The following SCN4A variants were observed in gnomAD, a reference collection of about 807,000 sequenced individuals.
SCN4A encodes the protein sodium channel protein type 4 subunit alpha.
Under a neutral mutation model 162.0 loss-of-function variants are expected in SCN4A, and 83 were observed. The ratio of observed to expected loss-of-function variants is 0.51; its 90% confidence interval spans 0.43 to 0.61. The LOEUF is 0.61. Ranked by LOEUF, SCN4A falls within the 20% of genes least tolerant of loss-of-function variation. The pLI is 0.00. For missense variants in SCN4A, 2,196 were observed against 2,462.5 expected, an observed-to-expected ratio of 0.89 and a Z score of 2.29; for synonymous variants, 944 against 985.1, an observed-to-expected ratio of 0.96 and a Z score of 0.78.
chr17:63,953,083 A>G (rs8079706), intron 13 of SCN4A, among the ~76,000 whole-genome samples: 13,232 of 152,242 alleles, frequency 0.087, 1,461 homozygotes, highest in African/African-American at 0.26. Flanking sequence ...ATAAAAGCCC[A>G]GGCGCAGTGG....
chr17:63,965,023 T>C (rs1211505429), intron 8 of SCN4A, among the ~76,000 whole-genome samples: 1 of 152,162 alleles, frequency 6.6e-6, no homozygotes, highest in Non-Finnish European at 1.5e-5. Flanking sequence ...CAACAAATAG[T>C]AGCTATTATT....
At position 63,947,025 on chromosome 17, in the gene SCN4A, G is replaced by A; in HGVS notation, c.3441+20C>T. On this transcript the variant is annotated intron_variant, in intron 18 of 23. Transcript: ENST00000435607. ...GGTCCCCCATCCCCAGCCCACCCCAGAGGCCCCTTCAGCACCCACCCTCAT... is the reference window on the plus strand; with the variant it reads ...GGTCCCCCATCCCCAGCCCACCCCAAAGGCCCCTTCAGCACCCACCCTCAT... 5.0e-6 allele frequency: 4 copies of A among 799,760 alleles called. No individual in the cohort carries two copies. Among genetic ancestry groups the A allele is most frequent in the African/African-American group, 3.5e-5 (2 of 57,134 alleles). The allele number at this position is 799,760 out of a possible 1,614,324, so 49.5% of individuals were successfully genotyped here. A position where few individuals can be genotyped will look rare whatever the true frequency, so the allele number is the denominator to read the frequency against.
intron 13 of SCN4A, among the ~76,000 whole-genome samples, chr17:63,955,145 C>T (rs1025848135): frequency 8.5e-5 from 13 of 152,220 alleles, no homozygotes; most frequent in African/African-American, 2.9e-4. Context: ...ACTGGAGTTA[C>T]ATGGACCCAG....
chr17:63,941,860 G>A lies in SCN4A; in HGVS notation c.4422C>T (p.Ala1474=). The part of the protein sequence containing the change: ...GAKGIRTLLF[A]LMMSLPALFN... ...AGAGGGCAGGCAGCGACATCATGAG[G>A]GCGAACAGCAGCGTCCGGATGCCCT... Residue 1474 remains alanine (A), a synonymous_variant, in exon 24 of 24, where the codon GCC becomes GCT. Transcript: ENST00000435607. This position sits in a 1 kb window ranked among gnomAD's most constrained non-coding sequence, Gnocchi z 6.2. 1.2e-6 allele frequency: 2 copies of A among 1,614,088 alleles called. No individual in the cohort carries two copies. The highest frequency in any genetic ancestry group is 4.5e-5 in the East Asian group (2 of 44,886).
intron 13 of SCN4A, among the ~76,000 whole-genome samples, chr17:63,952,709 C>T (rs1003849479): frequency 3.3e-5 from 5 of 150,380 alleles, no homozygotes; most frequent in African/African-American, 1.3e-4. Context: ...TATTCTGGTT[C>T]TTGTCCCACA....
At position 63,944,543 on chromosome 17, in the gene SCN4A, T is replaced by C; in HGVS notation, c.3912+130A>G. ...GGCCTGGTGGGACTGGGACCCAAGCTAGCTGCCTGAACCAACAACCTGGTA... is the reference window on the plus strand; with the variant it reads ...GGCCTGGTGGGACTGGGACCCAAGCCAGCTGCCTGAACCAACAACCTGGTA... On this transcript the variant is annotated intron_variant, in intron 21 of 23. Coordinates refer to ENST00000435607, the MANE Select transcript of SCN4A (RefSeq NM_000334.4). This position sits in a 1 kb window ranked among gnomAD's most constrained non-coding sequence, Gnocchi z 4.3. The C allele has an allele frequency of 2.0e-6, 2 of 1,010,418 alleles. No individual in the cohort carries two copies. Among genetic ancestry groups the C allele is most frequent in the Non-Finnish European group, 2.9e-6 (2 of 696,328 alleles). The allele number at this position is 1,010,418 out of a possible 1,614,324, so 62.6% of individuals were successfully genotyped here. A position where few individuals can be genotyped will look rare whatever the true frequency, so the allele number is the denominator to read the frequency against.
chr17:63,946,605 G>A (rs1000005658), intron 18 of SCN4A, among the ~76,000 whole-genome samples: 1 of 152,122 alleles, frequency 6.6e-6, no homozygotes, highest in Admixed American at 6.5e-5. Context: ...GGGGTGAGGG[G>A]AAGGCTCAGA....
At chr17:63,964,898 G>C (rs1336001217) in intron 8 of SCN4A, among the ~76,000 whole-genome samples, 1 of 152,216 alleles carries the variant, frequency 6.6e-6, no homozygotes, top group Non-Finnish European at 1.5e-5. Flanking sequence ...GCTCAGAGGA[G>C]GACCGAAGCC....
At position 63,944,958 on chromosome 17, in the gene SCN4A, C is replaced by T. The variant is rs752518640; in HGVS notation, c.3774+49G>A. ...GCCAAGTCTCCCTCCTGTCTTGAGT[C>T]CTCTTCCCTGGCTCGCTCACCAGCC... On this transcript the variant is annotated intron_variant, in intron 20 of 23. Coordinates refer to ENST00000435607, the MANE Select transcript of SCN4A (RefSeq NM_000334.4). This position sits in a 1 kb window ranked among gnomAD's most constrained non-coding sequence, Gnocchi z 4.3. 14 of 1,604,956 alleles carry T rather than the reference C, an allele frequency of 8.7e-6. No individual in the cohort carries two copies. The highest frequency in any genetic ancestry group is 1.2e-5 in the Non-Finnish European group (14 of 1,173,222).
chr17:63,941,327 C>T lies in SCN4A; in HGVS notation c.4955G>A (p.Arg1652Lys), dbSNP rs1314887157. 1.2e-6 allele frequency: 2 copies of T among 1,613,786 alleles called. No homozygotes were observed. Among genetic ancestry groups the T allele is most frequent in the Non-Finnish European group, 1.7e-6 (2 of 1,179,878 alleles). ...DFVDTLQEPL[R>K]IAKPNKIKLI... ...CTTGATCTTGTTGGGCTTGGCAATC[C>T]TCAGCGGTTCCTGCAGGGTGTCCAC... is the stretch of plus-strand genomic sequence containing the variant. The change falls in exon 24 of 24, where the codon AGG (arginine) becomes AAG (lysine). Residue 1652 changes from arginine (R) to lysine (K), a missense_variant. Transcript: ENST00000435607. This position sits in a 1 kb window ranked among gnomAD's most constrained non-coding sequence, Gnocchi z 6.2.
chr17:63,967,935 A>AAG, intron 6 of SCN4A, 88 bp downstream of exon 6: 3 of 806,790 alleles, frequency 3.7e-6, no homozygotes, highest in Non-Finnish European at 3.5e-6. Context: ...CTCCATCTCA[A>AAG]AAAAAAAAAA....
At chr17:63,961,704 A>C in intron 10 of SCN4A, 2 of 461,368 alleles carry the variant, frequency 4.3e-6, no homozygotes, top group East Asian at 3.5e-5. Flanking sequence ...CACCCTCCAG[A>C]TCCCGCCCTC....
Position 63,941,162 on chromosome 17 carries a change from G to A in SCN4A, c.5120C>T (p.Ala1707Val). 1.9e-6 allele frequency: 3 copies of A among 1,613,862 alleles called. No homozygotes were observed. Among genetic ancestry groups the A allele is most frequent in the Non-Finnish European group, 2.5e-6 (3 of 1,179,860 alleles). Residue 1707 changes from alanine to valine, a missense_variant, in exon 24 of 24, where the codon GCA (alanine) becomes GTA (valine). Physicochemically the swap from Ala to Val is moderately conservative, Grantham distance 64 (BLOSUM62 0). Transcript: ENST00000435607. The surrounding 1 kb of genome is among the most constrained non-coding windows in gnomAD (Gnocchi z 6.2). ...LKQTMEEKFMAANPSKVSYEP... is the reference protein window; with the variant it reads ...LKQTMEEKFMVANPSKVSYEP... ...GTAGGACACCTTGGAGGGGTTGGCT[G>A]CCATGAACTTCTCCTCCATGGTCTG...
chr17:63,940,555 C>A lies in SCN4A; in HGVS notation c.*216G>T. On this transcript the variant is annotated 3_prime_UTR_variant, in exon 24 of 24. Transcript: ENST00000435607. ...TTGGAGGCAGGGGCCTCAGACCCAG[C>A]ATGGAGCCCCTGAGCGCAATTCCCA... 1 of 511,816 alleles carries A rather than the reference C, an allele frequency of 2.0e-6. No individual in the cohort carries two copies. The highest frequency in any genetic ancestry group is 4.3e-5 in the South Asian group (1 of 23,122). 31.7% of individuals were successfully genotyped at this position (511,816 alleles called of 1,614,324 possible).
At chr17:63,961,525 G>A in intron 10 of SCN4A, 94 bp from the exon 11 acceptor site, 2 of 878,722 alleles carry the variant, frequency 2.3e-6, no homozygotes, top group East Asian at 2.4e-5. Flanking sequence ...TCCAAGCCCC[G>A]CCCCTTAGCA....
At chr17:63,942,294 T>A (rs916039308) in intron 23 of SCN4A, among the ~76,000 whole-genome samples, 8 of 142,780 alleles carry the variant, frequency 5.6e-5, no homozygotes, top group Admixed American at 5.6e-4. Flanking sequence ...TGTGTGTGTG[T>A]GAAAGAGACA....
chr17:63,970,228 G>C (rs1909573236), intron 5 of SCN4A, among the ~76,000 whole-genome samples: 1 of 152,118 alleles, frequency 6.6e-6, no homozygotes, highest in Non-Finnish European at 1.5e-5. Context: ...TCTCTGCTCT[G>C]TCTGCTTATT....
chr17:63,956,541 T>C (rs1334523453), intron 13 of SCN4A, among the ~76,000 whole-genome samples: 1 of 152,198 alleles, frequency 6.6e-6, no homozygotes, highest in Non-Finnish European at 1.5e-5. Flanking sequence ...CCTGATTCTC[T>C]TTTTCGGCGC....
At position 63,941,447 on chromosome 17, in the gene SCN4A, A is replaced by C; in HGVS notation, c.4835T>G (p.Leu1612Arg). The stretch of plus-strand genomic sequence containing the variant: ...GAACATCTCAAAGTCATCTTCACCA[A>C]GGGGCTCGCTGCTCTCCTCTGTGGC... Reference protein sequence around the residue: ...NVATEESSEPLGEDDFEMFYE... With the variant: ...NVATEESSEPRGEDDFEMFYE... Residue 1612 changes from leucine (L) to arginine (R), a missense_variant, in exon 24 of 24, where the codon CTT (leucine) becomes CGT (arginine). Transcript: ENST00000435607. The surrounding 1 kb of genome is among the most constrained non-coding windows in gnomAD (Gnocchi z 6.2). 1 of 1,614,074 alleles carries C rather than the reference A, an allele frequency of 6.2e-7. No homozygotes were observed. Among genetic ancestry groups the C allele is most frequent in the Non-Finnish European group, 8.5e-7 (1 of 1,180,012 alleles).
Sources: allele counts gnomAD v4.1 joint callset (sites outside exome capture counted in the v4.1 genomes callset), GRCh38; gene constraint gnomAD v4.1.1; non-coding constraint Gnocchi (gnomAD v3.1); transcripts MANE v1.5; gene names NCBI Gene and HGNC (gene_info 2026-07-23, HGNC 2026-07-21).